GPHN: variants seen among roughly 807,000 people sequenced by gnomAD.
GPHN encodes the protein gephyrin.
GPHN carries 17 observed loss-of-function variants against 95.5 expected under a neutral mutation model. The ratio of observed to expected loss-of-function variants is 0.18; its 90% CI spans 0.12 to 0.27. The LOEUF (loss-of-function observed/expected upper bound fraction) is 0.27, where lower values mean the gene tolerates loss of function less well. Among genes scored for constraint, GPHN ranks in the 10% least tolerant of loss-of-function variants. GPHN has a pLI of 1.00. For missense variants in GPHN, 660 were observed against 978.1 expected (o/e 0.67, Z 4.34); for synonymous variants, 320 against 322.5 (o/e 0.99, Z 0.08).
chr14:67,302,422 C>G, the GPHN span: 16 of 1,586,708 alleles, frequency 1.0e-5, no homozygotes, highest in Non-Finnish European at 1.2e-5. Context: ...TGCTACAGTT[C>G]GTAATGAAAT....
At chr14:67,199,982 A>G in the GPHN span, 19 of 1,125,012 alleles carry the variant, frequency 1.7e-5, no homozygotes, top group Non-Finnish European at 2.3e-5. Flanking sequence ...GGGATGTCTC[A>G]GATGCAGCTG....
rs185320750 is a variant in GPHN at position 66,660,355 on chromosome 14, T to A, written c.65-20752T>A. On this transcript the variant is annotated intron_variant, in intron 1 of 22. Coordinates refer to ENST00000478722, the MANE Select transcript of GPHN (RefSeq NM_020806.5). ...AGCATTCAAACATAAAAGCCCAAGA[T>A]GAGAATTTTGTCTGTTGTATTTACC... is the stretch of plus-strand genomic sequence containing the variant. 1.8e-3 allele frequency among the ~76,000 whole-genome samples: 272 copies of A among 152,314 alleles called. 1 individual carries two copies. Among genetic ancestry groups the A allele is most frequent in the African/African-American group, 6.3e-3 (260 of 41,574 alleles).
intron 1 of GPHN, among the ~76,000 whole-genome samples, chr14:66,663,501 G>A (rs556893063): frequency 2.4e-4 from 36 of 152,172 alleles, no homozygotes; most frequent in African/African-American, 6.7e-4. Flanking sequence ...AGGAAAAATC[G>A]TTACCAGCCA....
the GPHN span, chr14:67,393,219 C>A: frequency 4.3e-6 from 7 of 1,613,758 alleles, no homozygotes; most frequent in East Asian, 1.6e-4. Flanking sequence ...GTGTTGCTAT[C>A]GTGCATCTTG....
chr14:66,557,891 T>A (rs920892345), intron 1 of GPHN, among the ~76,000 whole-genome samples: 2 of 152,198 alleles, frequency 1.3e-5, no homozygotes, highest in Non-Finnish European at 1.5e-5. Context: ...AATTCTAAAT[T>A]ATGATAACCT....
chr14:67,332,663 G>A, the GPHN span: 2 of 1,037,190 alleles, frequency 1.9e-6, no homozygotes, highest in Non-Finnish European at 2.7e-6. Flanking sequence ...CCTGAGGTTG[G>A]GAGAGACAGA....
the GPHN span, chr14:67,562,517 G>C: frequency 1.2e-6 from 2 of 1,611,018 alleles, no homozygotes; most frequent in Non-Finnish European, 8.5e-7. Context: ...GATGCTCCCT[G>C]GGACAAAGAC....
At chr14:66,743,106 G>A (rs1348893113) in intron 2 of GPHN, among the ~76,000 whole-genome samples, 1 of 151,914 alleles carries the variant, frequency 6.6e-6, no homozygotes, top group Non-Finnish European at 1.5e-5. Flanking sequence ...TATTGTTTCA[G>A]TTGTTTGCTC....
the GPHN span, among the ~76,000 whole-genome samples, chr14:67,298,000 G>A: frequency 6.6e-5 from 10 of 152,108 alleles, no homozygotes; most frequent in African/African-American, 9.7e-5. Flanking sequence ...CAGTTGTTGT[G>A]GGGAGACAGC....
chr14:67,583,928 C>G, the GPHN span: 1 of 1,611,672 alleles, frequency 6.2e-7, no homozygotes, highest in Non-Finnish European at 8.5e-7. Flanking sequence ...GTGGGGAGGT[C>G]TCAGGCCTGG....
chr14:67,297,252 G>A, the GPHN span, among the ~76,000 whole-genome samples: 1 of 152,194 alleles, frequency 6.6e-6, no homozygotes, highest in South Asian at 2.1e-4. Context: ...ACCAGTCAGT[G>A]CAATAAAACA....
chr14:67,169,339 A>G (rs190732691), intron 21 of GPHN, among the ~76,000 whole-genome samples: 13 of 152,290 alleles, frequency 8.5e-5, no homozygotes, highest in Non-Finnish European at 1.3e-4. Flanking sequence ...ATCTGGCTCT[A>G]CCCTAACACT....
At chr14:67,086,815 G>A (rs2076913131) in intron 11 of GPHN, among the ~76,000 whole-genome samples, 1 of 151,184 alleles carries the variant, frequency 6.6e-6, no homozygotes, top group Non-Finnish European at 1.5e-5. Context: ...AAGGTGGGCG[G>A]ATCATGAGGT....
At chr14:67,156,516 C>T (rs1567420143) in intron 18 of GPHN, among the ~76,000 whole-genome samples, 1 of 151,444 alleles carries the variant, frequency 6.6e-6, no homozygotes, top group Non-Finnish European at 1.5e-5. Flanking sequence ...TAATTACTAA[C>T]ATAATAATAT....
chr14:66,686,179 A>G (rs991969864), intron 2 of GPHN, among the ~76,000 whole-genome samples: 4 of 152,120 alleles, frequency 2.6e-5, no homozygotes, highest in African/African-American at 4.8e-5. Flanking sequence ...GTCAGGTAGC[A>G]TGATGCCTCC....
At chr14:67,275,627 T>C in the GPHN span, among the ~76,000 whole-genome samples, 1 of 152,208 alleles carries the variant, frequency 6.6e-6, no homozygotes, top group South Asian at 2.1e-4. Context: ...AGGATGATGC[T>C]GGCCTCATAA....
At chr14:67,637,045 C>T in the GPHN span, among the ~76,000 whole-genome samples, 2 of 152,186 alleles carry the variant, frequency 1.3e-5, no homozygotes, top group Non-Finnish European at 2.9e-5. Context: ...CCCTAAGCTT[C>T]TTGAAAAATT....
At chr14:67,269,030 C>T in the GPHN span, among the ~76,000 whole-genome samples, 1 of 152,172 alleles carries the variant, frequency 6.6e-6, no homozygotes, top group African/African-American at 2.4e-5. Flanking sequence ...AATTCTCCCA[C>T]CCATTCACCC....
At chr14:67,366,436 G>GA in the GPHN span, among the ~76,000 whole-genome samples, 1 of 152,070 alleles carries the variant, frequency 6.6e-6, no homozygotes, top group African/African-American at 2.4e-5. Flanking sequence ...GTTGCAATCA[G>GA]AAAAAATATG....
Sources: allele counts gnomAD v4.1 joint callset (sites outside exome capture counted in the v4.1 genomes callset), GRCh38; gene constraint gnomAD v4.1.1; transcripts MANE v1.5; gene names NCBI Gene and HGNC (gene_info 2026-07-23, HGNC 2026-07-21).